The following DCC variants were observed in gnomAD, a reference collection of about 807,000 sequenced individuals.
The protein encoded by DCC is netrin receptor DCC.
A neutral mutation model predicts 172.5 loss-of-function variants in DCC; 58 were observed. The ratio of observed to expected loss-of-function variants is 0.34; its 90% CI spans 0.27 to 0.42. The LOEUF (loss-of-function observed/expected upper bound fraction) is 0.42. DCC is among the 10% of genes least tolerant of loss of function. The probability of loss-of-function intolerance (pLI) is 1.00; values close to 1 mark genes in which losing one functional copy is unlikely to be tolerated. For missense variants in DCC, 1,740 were observed against 1,791.0 expected (o/e 0.97, Z 0.51); for synonymous variants, 709 against 644.5 (o/e 1.10, Z -1.52).
chr18:52,738,245 C>T (rs118144563), intron 1 of DCC, among the ~76,000 whole-genome samples: 5,332 of 152,068 alleles, frequency 0.035, 133 homozygotes, highest in Admixed American at 0.048. Flanking sequence ...TGATGGGAAT[C>T]GTTCTGAGAA....
intron 7 of DCC, among the ~76,000 whole-genome samples, chr18:53,121,247 C>T (rs770076062): frequency 3.3e-5 from 5 of 151,760 alleles, no homozygotes; most frequent in African/African-American, 4.8e-5. Flanking sequence ...GCTGGGGATA[C>T]GTATTTCCAA....
At chr18:52,406,974 ACACC>A (rs2144392561) in intron 1 of DCC, among the ~76,000 whole-genome samples, 1 of 152,062 alleles carries the variant, frequency 6.6e-6, no homozygotes, top group East Asian at 1.9e-4. Context: ...GTTGAGATTC[ACACC>A]GGTGCTTAAA....
intron 1 of DCC, among the ~76,000 whole-genome samples, chr18:52,568,950 ATTTG>A (rs1327696663): frequency 6.6e-6 from 1 of 152,178 alleles, no homozygotes; most frequent in Admixed American, 6.5e-5. Context: ...TTAAAAATAT[ATTTG>A]TTTGTATATA....
chr18:53,066,253 T>A, intron 7 of DCC, 87 bp downstream of exon 7: 5 of 1,272,444 alleles, frequency 3.9e-6, no homozygotes, highest in Non-Finnish European at 5.7e-6. Context: ...TTCCTACCCC[T>A]CAAGGGCAAT....
rs373190459 is a variant in DCC at position 52,589,570 on chromosome 18, T to C, written c.92-162484T>C. Among the ~76,000 whole-genome samples, 23 of 152,348 alleles carry C rather than the reference T, an allele frequency of 1.5e-4. No individual in the cohort carries two copies. In the South Asian group the frequency reaches 4.8e-3, roughly 32 times the overall value. Reference sequence around the variant, plus strand: ...AGCAGAGAGGGAAGAGCCAGCCTGGTGTTTAGTGATGCCTCTTCCATGGGT... The same window carrying C: ...AGCAGAGAGGGAAGAGCCAGCCTGGCGTTTAGTGATGCCTCTTCCATGGGT... On this transcript the variant is annotated intron_variant, in intron 1 of 28. Transcript: ENST00000442544.
intron 12 of DCC, among the ~76,000 whole-genome samples, chr18:53,300,181 T>A (rs942544366): frequency 1.3e-5 from 2 of 152,212 alleles, no homozygotes; most frequent in Admixed American, 1.3e-4. Context: ...CCTCATTATT[T>A]ACAGATTCTG....
chr18:53,527,032 G>GT, intron 28 of DCC: 1 of 444,608 alleles, frequency 2.2e-6, no homozygotes, highest in East Asian at 4.7e-5. Flanking sequence ...AGAACGTGTG[G>GT]TTTTACACCC....
chr18:53,373,363 TTC>T (rs2058078502), intron 15 of DCC, among the ~76,000 whole-genome samples: 2 of 152,130 alleles, frequency 1.3e-5, no homozygotes, highest in African/African-American at 2.4e-5. Context: ...ATTTAATTTT[TTC>T]TGTTTTTATC....
chr18:52,752,230 C>G lies in DCC; in HGVS notation c.268C>G (p.Gln90Glu), dbSNP rs769007732. The change falls in exon 2 of 29, where the codon CAG becomes GAG. Residue 90 changes from glutamine to glutamate, a missense_variant. By Grantham distance (29) the Gln-to-Glu change is conservative (BLOSUM62 2). Transcript: ENST00000442544. ...GGCCTTGGGAATGGATGAAAGGAAG[C>G]AGCAACTTTCAAATGGGTCTCTGCT... is the stretch of plus-strand genomic sequence containing the variant. Reference protein sequence around the residue: ...HLALGMDERKQQLSNGSLLIQ... With the variant: ...HLALGMDERKEQLSNGSLLIQ... 1 of 1,614,184 alleles carries G rather than the reference C, an allele frequency of 6.2e-7. No individual in the cohort carries two copies. Among genetic ancestry groups the G allele is most frequent in the Non-Finnish European group, 8.5e-7 (1 of 1,180,032 alleles).
rs548573881 is a variant in DCC, at chr18:52,612,878, C to T, written c.92-139176C>T. On this transcript the variant is annotated intron_variant, in intron 1 of 28. Coordinates refer to ENST00000442544, the MANE Select transcript of DCC (RefSeq NM_005215.4). ...CCAGCTGATGACTGACCACTTCTGT[C>T]GAAGAGAAACTAAGAATCCTTCTGC... 3.3e-5 allele frequency among the ~76,000 whole-genome samples: 5 copies of T among 152,268 alleles called. No individual in the cohort carries two copies. The South Asian group carries it at 8.3e-4, about 25-fold the overall frequency.
chr18:53,150,739 C>T (rs944821877), intron 7 of DCC, among the ~76,000 whole-genome samples: 4 of 152,162 alleles, frequency 2.6e-5, no homozygotes, highest in African/African-American at 9.7e-5. Flanking sequence ...GTTTGCAGCA[C>T]ACAAAAGTAG....
At chr18:53,525,913 G>A (rs377452981) in intron 27 of DCC, among the ~76,000 whole-genome samples, 3 of 152,012 alleles carry the variant, frequency 2.0e-5, no homozygotes, top group East Asian at 1.9e-4. Context: ...TTGTATTAGC[G>A]CTACAAGCTA....
intron 1 of DCC, among the ~76,000 whole-genome samples, chr18:52,508,039 G>T (rs1026112545): frequency 6.6e-6 from 1 of 152,026 alleles, no homozygotes; most frequent in Non-Finnish European, 1.5e-5. Context: ...AGCGGAGGTT[G>T]CAGTGAGCTG....
intron 1 of DCC, among the ~76,000 whole-genome samples, chr18:52,585,560 G>C (rs376783138): frequency 3.3e-5 from 5 of 152,308 alleles, no homozygotes; most frequent in African/African-American, 1.2e-4. Flanking sequence ...GTCAGGAAAA[G>C]GTTGACCAAA....
chr18:53,449,150 CA>C (rs1422140427), intron 22 of DCC, among the ~76,000 whole-genome samples: 1 of 152,106 alleles, frequency 6.6e-6, no homozygotes, highest in African/African-American at 2.4e-5. Flanking sequence ...GAAAAATAAT[CA>C]AATTTAGGTA....
chr18:52,412,232 A>G (rs561332074), intron 1 of DCC, among the ~76,000 whole-genome samples: 46 of 152,248 alleles, frequency 3.0e-4, no homozygotes, highest in Non-Finnish European at 3.7e-4. Context: ...ATGTATACAC[A>G]TGTATGTATG....
intron 16 of DCC, among the ~76,000 whole-genome samples, chr18:53,389,332 T>C (rs1908394492): frequency 6.6e-6 from 1 of 152,220 alleles, no homozygotes; most frequent in Non-Finnish European, 1.5e-5. Context: ...ATTATTCAAA[T>C]ATTAATAGTT....
At chr18:53,301,533 A>G (rs189375889) in intron 12 of DCC, among the ~76,000 whole-genome samples, 451 of 152,352 alleles carry the variant, frequency 3.0e-3, no homozygotes, top group Admixed American at 4.5e-3. Context: ...TAAGTTAAAT[A>G]ATACTAACAA....
At chr18:53,064,781 C>T (rs115797557) in intron 6 of DCC, among the ~76,000 whole-genome samples, 5 of 152,008 alleles carry the variant, frequency 3.3e-5, no homozygotes, top group Admixed American at 1.3e-4. Flanking sequence ...CCTTTAAAGG[C>T]GATGTTATTT....
Sources: allele counts gnomAD v4.1 joint callset (sites outside exome capture counted in the v4.1 genomes callset), GRCh38; gene constraint gnomAD v4.1.1; transcripts MANE v1.5; gene names NCBI Gene and HGNC (gene_info 2026-07-23, HGNC 2026-07-21).